The following IMMP2L variants were observed in gnomAD, a reference collection of about 807,000 sequenced individuals.
The protein encoded by IMMP2L is mitochondrial inner membrane protease subunit 2.
A neutral mutation model predicts 19.3 loss-of-function variants in IMMP2L; 18 were observed. The ratio of observed to expected loss-of-function variants is 0.93; its 90% CI spans 0.64 to 1.38. IMMP2L has a LOEUF of 1.38. IMMP2L is among the 40% of genes most tolerant of loss of function. The pLI is 0.00. For missense variants in IMMP2L, 233 were observed against 218.2 expected, an observed-to-expected ratio of 1.07 and a Z score of -0.43; for synonymous variants, 76 against 73.0, an observed-to-expected ratio of 1.04 and a Z score of -0.21.
chr7:110,875,980 G>A (rs1809020856), intron 5 of IMMP2L, among the ~76,000 whole-genome samples: 1 of 152,040 alleles, frequency 6.6e-6, no homozygotes, highest in Non-Finnish European at 1.5e-5. Flanking sequence ...TTAAAGGGGA[G>A]ATGAATGTAA....
chr7:111,542,885 G>T (rs1848612324), intron 1 of IMMP2L, among the ~76,000 whole-genome samples: 1 of 152,048 alleles, frequency 6.6e-6, no homozygotes, highest in Non-Finnish European at 1.5e-5. Flanking sequence ...ACTCTCAATT[G>T]CCTCTTAGAA....
At chr7:111,457,468 T>C (rs1343252431) in intron 3 of IMMP2L, among the ~76,000 whole-genome samples, 7 of 152,174 alleles carry the variant, frequency 4.6e-5, no homozygotes, top group South Asian at 4.1e-4. Context: ...AATTTAAAAC[T>C]AGAAGGTTTT....
At chr7:111,179,473 A>G (rs1022722749) in intron 3 of IMMP2L, among the ~76,000 whole-genome samples, 15 of 151,936 alleles carry the variant, frequency 9.9e-5, no homozygotes, top group African/African-American at 3.4e-4. Flanking sequence ...GCCTAGGGAA[A>G]CCAAAAGATT....
intron 1 of IMMP2L, among the ~76,000 whole-genome samples, chr7:111,536,147 G>T (rs113287073): frequency 0.023 from 3,461 of 152,166 alleles, 141 homozygotes; most frequent in African/African-American, 0.079. Flanking sequence ...AGCTTTGAAT[G>T]TGCTAATTTT....
chr7:110,809,310 A>G (rs1481537435), intron 5 of IMMP2L, among the ~76,000 whole-genome samples: 3 of 152,088 alleles, frequency 2.0e-5, no homozygotes. Flanking sequence ...ACTCTTAGAC[A>G]TTGGGATTGC....
At chr7:111,243,077 C>T (rs950071313) in intron 3 of IMMP2L, among the ~76,000 whole-genome samples, 5 of 151,950 alleles carry the variant, frequency 3.3e-5, no homozygotes, top group African/African-American at 1.2e-4. Context: ...AATATTGTTA[C>T]TAAAACAAAA....
chr7:111,507,096 C>T (rs1844986923), intron 2 of IMMP2L, among the ~76,000 whole-genome samples: 1 of 152,182 alleles, frequency 6.6e-6, no homozygotes, highest in African/African-American at 2.4e-5. Context: ...AAGCCTTGGC[C>T]TCCCCAAGTG....
At chr7:110,668,389 C>T (rs1444432860) in intron 5 of IMMP2L, among the ~76,000 whole-genome samples, 3 of 152,208 alleles carry the variant, frequency 2.0e-5, no homozygotes, top group African/African-American at 7.2e-5. Context: ...AACAGCTGGT[C>T]TCCATCTCTT....
chr7:111,183,991 C>T (rs1282418477), intron 3 of IMMP2L, among the ~76,000 whole-genome samples: 1 of 152,034 alleles, frequency 6.6e-6, no homozygotes, highest in African/African-American at 2.4e-5. Context: ...GAAATAATAA[C>T]ACCTAGTTTG....
intron 1 of IMMP2L, among the ~76,000 whole-genome samples, chr7:111,550,484 A>G (rs113347627): frequency 0.02 from 3,056 of 152,228 alleles, 103 homozygotes; most frequent in African/African-American, 0.07. Flanking sequence ...AGTTTCATCA[A>G]TTGTAGCAAA....
intron 5 of IMMP2L, among the ~76,000 whole-genome samples, chr7:110,805,965 T>G (rs980495023): frequency 2.0e-5 from 3 of 151,964 alleles, no homozygotes; most frequent in Non-Finnish European, 4.4e-5. Context: ...AGTGAAGAGT[T>G]AACTCCTCTA....
chr7:111,459,364 T>C (rs1032077890), intron 3 of IMMP2L, among the ~76,000 whole-genome samples: 4 of 152,150 alleles, frequency 2.6e-5, no homozygotes, highest in East Asian at 1.9e-4. Flanking sequence ...GTTAGCTCCA[T>C]GAGTGCAGGA....
At chr7:110,998,832 T>C (rs1455010282) in intron 3 of IMMP2L, among the ~76,000 whole-genome samples, 1 of 152,088 alleles carries the variant, frequency 6.6e-6, no homozygotes, top group African/African-American at 2.4e-5. Context: ...TACAGCCCCC[T>C]CAGATTCAAG....
chr7:111,117,927 T>C (rs576532784), intron 3 of IMMP2L, among the ~76,000 whole-genome samples: 2 of 152,242 alleles, frequency 1.3e-5, no homozygotes, highest in East Asian at 1.9e-4. Flanking sequence ...GCACACTTTG[T>C]TCTTAAGCTT....
chr7:110,944,477 G>C (rs1343441022), intron 4 of IMMP2L, among the ~76,000 whole-genome samples: 1 of 151,904 alleles, frequency 6.6e-6, no homozygotes, highest in Non-Finnish European at 1.5e-5. Flanking sequence ...GCGCACGTGT[G>C]TGTGTGCGCG....
At chr7:111,326,296 G>A (rs544287666) in intron 3 of IMMP2L, among the ~76,000 whole-genome samples, 1 of 151,820 alleles carries the variant, frequency 6.6e-6, no homozygotes, top group Admixed American at 6.6e-5. Flanking sequence ...TAATGAATTT[G>A]ATTAAATTTT....
chr7:111,348,749 T>C (rs891841288), intron 3 of IMMP2L, among the ~76,000 whole-genome samples: 1 of 152,072 alleles, frequency 6.6e-6, no homozygotes, highest in African/African-American at 2.4e-5. Context: ...AAAATATATC[T>C]CATAGGTCCC....
At position 111,323,786 on chromosome 7, in the gene IMMP2L, A is replaced by G. The variant is rs189642888; in HGVS notation, c.239+163452T>C. On this transcript the variant is annotated intron_variant, in intron 3 of 5. Transcript: ENST00000405709. ...ACTGGATAAAGAAAATGTGGCACAT[A>G]TACACCATGGAATACTATGCAGCCA... 1.9e-3 allele frequency among the ~76,000 whole-genome samples: 293 copies of G among 152,240 alleles called. 1 individual carries two copies. The highest frequency in any genetic ancestry group is 6.8e-3 in the African/African-American group (283 of 41,536).
chr7:111,485,154 G>A (rs533372757), intron 3 of IMMP2L, among the ~76,000 whole-genome samples: 3 of 152,178 alleles, frequency 2.0e-5, no homozygotes, highest in Admixed American at 1.3e-4. Context: ...CTTTCTCAAA[G>A]CAACAATATT....
Sources: gnomAD v4.1 joint callset for allele counts (sites outside exome capture counted in the v4.1 genomes callset) on GRCh38, gnomAD v4.1.1 for gene constraint, MANE v1.5 for transcripts, NCBI Gene and HGNC (gene_info 2026-07-23, HGNC 2026-07-21) for gene names.